Variants in PALM2AKAP2 observed in about 807,000 individuals in gnomAD.
The protein encoded by PALM2AKAP2 is PALM2 and AKAP2 fusion, also known as PALM2-AKAP2 fusion protein.
In PALM2AKAP2, 37 loss-of-function variants were observed where a neutral mutation model predicts 71.5. The observed-to-expected ratio is 0.52, with a 90% confidence interval of 0.40 to 0.68. PALM2AKAP2 has a LOEUF of 0.68. Ranked by LOEUF, PALM2AKAP2 falls within the 30% of genes least tolerant of loss-of-function variation. PALM2AKAP2 has a pLI of 0.00. For synonymous variants in PALM2AKAP2, 468 were observed against 478.8 expected, an observed-to-expected ratio of 0.98 and a Z score of 0.29; for missense variants, 1,224 against 1,191.8, an observed-to-expected ratio of 1.03 and a Z score of -0.40.
At chr9:110,092,696 C>T (rs1344416699) in intron 1 of PALM2AKAP2, among the ~76,000 whole-genome samples, 1 of 152,114 alleles carries the variant, frequency 6.6e-6, no homozygotes, top group Non-Finnish European at 1.5e-5. Context: ...CAGGGATAGA[C>T]TTGAGGCATT....
At chr9:109,681,698 C>T (rs577149118) in intron 1 of PALM2AKAP2, among the ~76,000 whole-genome samples, 7 of 152,186 alleles carry the variant, frequency 4.6e-5, no homozygotes, top group Non-Finnish European at 8.8e-5. Context: ...AACTGCAGAG[C>T]GAAGTATTTT....
chr9:109,830,460 G>A (rs765403820), intron 1 of PALM2AKAP2, among the ~76,000 whole-genome samples: 1 of 152,134 alleles, frequency 6.6e-6, no homozygotes, highest in Non-Finnish European at 1.5e-5. Context: ...GTAGGCCTAG[G>A]CTCTGATCTA....
intron 1 of PALM2AKAP2, among the ~76,000 whole-genome samples, chr9:109,660,676 T>C (rs1827379910): frequency 6.6e-6 from 1 of 151,972 alleles, no homozygotes; most frequent in South Asian, 2.1e-4. Flanking sequence ...TGTGTCTTTA[T>C]AGTAGCATGA....
At chr9:110,090,261 G>T (rs943004820) in intron 1 of PALM2AKAP2, 3 of 433,408 alleles carry the variant, frequency 6.9e-6, no homozygotes. Context: ...CTGTGACCTG[G>T]CAGAGGGCTG....
At chr9:110,055,068 T>C (rs553459141) in intron 1 of PALM2AKAP2, among the ~76,000 whole-genome samples, 6 of 152,272 alleles carry the variant, frequency 3.9e-5, no homozygotes, top group Non-Finnish European at 7.3e-5. Flanking sequence ...AATTCTTCTA[T>C]TTTTCATTAG....
At chr9:109,648,683 G>A (rs1827184904) in intron 1 of PALM2AKAP2, among the ~76,000 whole-genome samples, 1 of 152,188 alleles carries the variant, frequency 6.6e-6, no homozygotes, top group Non-Finnish European at 1.5e-5. Flanking sequence ...CAGTTGCAAA[G>A]GTCCTGAGGC....
chr9:109,908,005 G>A (rs1473289507), intron 3 of PALM2AKAP2, among the ~76,000 whole-genome samples: 1 of 152,150 alleles, frequency 6.6e-6, no homozygotes, highest in Admixed American at 6.5e-5. Context: ...TTATTCTTTG[G>A]TGTCCTTTTG....
At chr9:110,069,638 T>G (rs990417871) in intron 1 of PALM2AKAP2, among the ~76,000 whole-genome samples, 1 of 152,164 alleles carries the variant, frequency 6.6e-6, no homozygotes, top group South Asian at 2.1e-4. Context: ...TGCATTTGCT[T>G]ATCGGATTCT....
At chr9:109,995,579 A>C (rs1588049669) in intron 6 of PALM2AKAP2, among the ~76,000 whole-genome samples, 1 of 152,220 alleles carries the variant, frequency 6.6e-6, no homozygotes, top group Non-Finnish European at 1.5e-5. Flanking sequence ...CACATCTTAC[A>C]TGGCGGCAGG....
At chr9:109,698,812 C>G (rs879712437) in intron 1 of PALM2AKAP2, among the ~76,000 whole-genome samples, 14 of 152,138 alleles carry the variant, frequency 9.2e-5, no homozygotes, top group African/African-American at 3.1e-4. Context: ...GGGCACTGTG[C>G]TAAAGGAAAG....
At chr9:109,904,982 G>T (rs1830414166) in intron 3 of PALM2AKAP2, among the ~76,000 whole-genome samples, 1 of 152,164 alleles carries the variant, frequency 6.6e-6, no homozygotes, top group Non-Finnish European at 1.5e-5. Flanking sequence ...CTCAGGCTTT[G>T]ATCCCTGCGT....
At chr9:110,150,554 A>G (rs1022299572) in intron 2 of PALM2AKAP2, among the ~76,000 whole-genome samples, 1 of 152,210 alleles carries the variant, frequency 6.6e-6, no homozygotes, top group African/African-American at 2.4e-5. Context: ...ATTTCAGGAT[A>G]GCTTTCCCAT....
intron 1 of PALM2AKAP2, among the ~76,000 whole-genome samples, chr9:109,858,208 GTGCCTCAGTTTTCTCCTC>G (rs1452609510): frequency 6.6e-6 from 1 of 152,096 alleles, no homozygotes; most frequent in Non-Finnish European, 1.5e-5. Context: ...TTATCTTCCT[GTGCCTCAGTTTTCTCCTC>G]TGTAAAATGG....
intron 1 of PALM2AKAP2, among the ~76,000 whole-genome samples, chr9:109,678,759 G>A (rs1827684651): frequency 6.6e-6 from 1 of 152,074 alleles, no homozygotes; most frequent in Non-Finnish European, 1.5e-5. Flanking sequence ...TCTGGCCGGA[G>A]GTAAGCCAAA....
chr9:109,852,163 T>C (rs1239274642), intron 1 of PALM2AKAP2, among the ~76,000 whole-genome samples: 1 of 152,208 alleles, frequency 6.6e-6, no homozygotes, highest in Non-Finnish European at 1.5e-5. Context: ...CATGAGTATA[T>C]TGTGTGATGC....
At chr9:110,016,927 C>G (rs189758022) in intron 7 of PALM2AKAP2, among the ~76,000 whole-genome samples, 4 of 152,142 alleles carry the variant, frequency 2.6e-5, no homozygotes, top group South Asian at 4.2e-4. Context: ...TTGCCCAGGC[C>G]GGAGTGCAGT....
intron 1 of PALM2AKAP2, among the ~76,000 whole-genome samples, chr9:109,840,696 A>G (rs1828634265): frequency 6.6e-6 from 1 of 152,236 alleles, no homozygotes; most frequent in Admixed American, 6.5e-5. Flanking sequence ...CCCAATCAAC[A>G]CGTGGGCAAA....
At chr9:109,719,994 CTT>C (rs111446618) in intron 1 of PALM2AKAP2, among the ~76,000 whole-genome samples, 6 of 145,954 alleles carry the variant, frequency 4.1e-5, no homozygotes, top group Admixed American at 6.9e-5. Flanking sequence ...ATTTTTATTC[CTT>C]TTTTTTTTTT....
intron 6 of PALM2AKAP2, among the ~76,000 whole-genome samples, chr9:109,933,605 G>A (rs7856982): frequency 0.014 from 2,081 of 152,318 alleles, 58 homozygotes; most frequent in African/African-American, 0.047. Context: ...TGTGTAAGCA[G>A]CAATACACAT....
Sources: allele counts gnomAD v4.1 joint callset (sites outside exome capture counted in the v4.1 genomes callset), GRCh38; gene constraint gnomAD v4.1.1; transcripts MANE v1.5; gene names NCBI Gene and HGNC (gene_info 2026-07-23, HGNC 2026-07-21).